Variants in RAD52 observed in about 807,000 individuals in gnomAD.
RAD52 encodes RAD52 DNA repair protein.
Under a neutral mutation model 55.5 loss-of-function variants are expected in RAD52, and 47 were observed. The observed-to-expected ratio is 0.85, with a 90% CI of 0.67 to 1.08. The LOEUF is 1.08. RAD52 is among the 50% of genes least tolerant of loss of function. RAD52 has a pLI of 0.00. For synonymous variants in RAD52, 184 were observed against 198.9 expected (o/e 0.92, Z 0.63); for missense variants, 468 against 522.8 (o/e 0.90, Z 1.02).
At chr12:950,604 G>C (rs1958504049), upstream of RAD52, among the ~76,000 whole-genome samples, 1 of 150,524 alleles carries the variant, frequency 6.6e-6, no homozygotes, top group South Asian at 2.1e-4. Flanking sequence ...GTAGCGACAG[G>C]GTCTTGCTAT....
chr12:923,715 C>T lies in RAD52; in HGVS notation c.543+1735G>A, dbSNP rs575093843. On this transcript the variant is annotated intron_variant, in intron 7 of 11. Transcript: ENST00000358495. ...CAATGGGAATACACTTAACACTACTCGACCACACACTAAAAATAGTTAAAA... is the reference window on the plus strand; with the variant it reads ...CAATGGGAATACACTTAACACTACTTGACCACACACTAAAAATAGTTAAAA... 1.7e-4 allele frequency among the ~76,000 whole-genome samples: 26 copies of T among 152,124 alleles called. No individual in the cohort carries two copies. The South Asian group carries it at 4.8e-3, about 28-fold the overall frequency.
chr12:930,170 A>G (rs779337234), intron 3 of RAD52, 26 bp from the exon 4 acceptor site: 3 of 1,550,348 alleles, frequency 1.9e-6, no homozygotes, highest in South Asian at 2.3e-5. Context: ...TTTTTAAGGA[A>G]AAGCTGTGTT....
At chr12:958,479 G>A (rs1435568516) in intron 1 of RAD52, among the ~76,000 whole-genome samples, 1 of 152,192 alleles carries the variant, frequency 6.6e-6, no homozygotes, top group African/African-American at 2.4e-5. Context: ...GCCTTCCATT[G>A]TGCTGGGATT....
At chr12:987,774 C>T (rs1959105206) in intron 1 of RAD52, among the ~76,000 whole-genome samples, 1 of 152,212 alleles carries the variant, frequency 6.6e-6, no homozygotes, top group Non-Finnish European at 1.5e-5. Flanking sequence ...GTTGCCCAGG[C>T]TGGTCTTAAA....
intron 1 of RAD52, among the ~76,000 whole-genome samples, chr12:988,119 C>T (rs992959281): frequency 1.3e-5 from 2 of 152,008 alleles, no homozygotes; most frequent in Non-Finnish European, 2.9e-5. Flanking sequence ...AACACAGGTG[C>T]GCATCACCAT....
At chr12:967,259 G>A (rs1202692634) in intron 1 of RAD52, among the ~76,000 whole-genome samples, 2 of 151,646 alleles carry the variant, frequency 1.3e-5, no homozygotes, top group Non-Finnish European at 2.9e-5. Flanking sequence ...CCTGCCTGTA[G>A]TCACAGCTAT....
rs1282197994 is a variant in RAD52 at position 927,156 on chromosome 12, C to T, written c.456G>A (p.Lys152=). 6.2e-7 allele frequency: 1 copy of T among 1,614,002 alleles called. No homozygotes were observed. Among genetic ancestry groups the T allele is most frequent in the South Asian group, 1.1e-5 (1 of 91,082 alleles). ...AGCCCCGCGCTCACCTGAGGGCTCGCTTCAGCCCGTCTGTCACCGCCTCCT... is the reference window on the plus strand; with the variant it reads ...AGCCCCGCGCTCACCTGAGGGCTCGTTTCAGCCCGTCTGTCACCGCCTCCT... ...ARKEAVTDGL[K]RALRSFGNAL... The change falls in exon 6 of 12, where the codon AAG becomes AAA. Residue 152 remains lysine (K), a synonymous_variant. Coordinates refer to ENST00000358495, the MANE Select transcript of RAD52 (RefSeq NM_134424.4).
intron 1 of RAD52, among the ~76,000 whole-genome samples, chr12:965,657 GT>G (rs891994451): frequency 6.6e-6 from 1 of 151,080 alleles, no homozygotes; most frequent in Admixed American, 6.6e-5. Flanking sequence ...TGTATTTGGG[GT>G]TTTTTTATTT....
At chr12:946,023 C>CAAA (rs367732899) in intron 1 of RAD52, among the ~76,000 whole-genome samples, 12 of 151,082 alleles carry the variant, frequency 7.9e-5, no homozygotes, top group African/African-American at 2.7e-4. Context: ...AACTCCGTCT[C>CAAA]AAAAAAAACA....
intron 1 of RAD52, chr12:937,031 A>G (rs1265294471): frequency 6.6e-6 from 1 of 152,200 alleles, no homozygotes; most frequent in African/African-American, 2.4e-5. Flanking sequence ...CCCACCTGGT[A>G]CCCACACATG....
In RAD52 at chr12:914,508, G is replaced by A. The variant is rs368534549; in HGVS notation, c.890C>T (p.Thr297Met). The A allele has an allele frequency of 4.1e-5, 66 of 1,613,684 alleles. No homozygotes were observed. Among genetic ancestry groups the A allele is most frequent in the East Asian group, 2.9e-4 (13 of 44,880 alleles). ...SEAAPPAPPV[T>M]HSTPVTVSEP... ...TGAGACAGTTACAGGAGTGCTGTGC[G>A]TCACAGGAGGGGCCGGAGGCGCTGC... The change falls in exon 10 of 12, where the codon ACG becomes ATG. Residue 297 changes from threonine to methionine, a missense_variant. By Grantham distance (81) the Thr-to-Met change is moderately conservative (BLOSUM62 -1). Transcript: ENST00000358495.
chr12:959,631 G>C (rs1958657106), intron 1 of RAD52, among the ~76,000 whole-genome samples: 1 of 152,216 alleles, frequency 6.6e-6, no homozygotes, highest in African/African-American at 2.4e-5. Context: ...AGTGGTTCAT[G>C]AATCAGGGGG....
chr12:919,319 G>A (rs1463069552), intron 7 of RAD52, among the ~76,000 whole-genome samples: 1 of 152,066 alleles, frequency 6.6e-6, no homozygotes, highest in Non-Finnish European at 1.5e-5. Flanking sequence ...GGTGGCGGGC[G>A]CCTGTAATCC....
rs1235193662 is a variant in RAD52 at position 970,793 on chromosome 12, G to A, written c.-19+19016C>T. 3.3e-5 allele frequency among the ~76,000 whole-genome samples: 5 copies of A among 152,208 alleles called. No homozygotes were observed. The East Asian group carries it at 5.8e-4, about 18-fold the overall frequency. ...AGTGAACCAACAACCGAGCTATTTT[G>A]GGTAGGGTATCACAGCAAAGGGAAT... On this transcript the variant is annotated intron_variant, in intron 1 of 11. Coordinates refer to the RAD52 transcript ENST00000430095.
At chr12:954,647 A>C (rs1958581066), upstream of RAD52, among the ~76,000 whole-genome samples, 1 of 152,276 alleles carries the variant, frequency 6.6e-6, no homozygotes, top group South Asian at 2.1e-4. Flanking sequence ...CCCCCCAAAA[A>C]ATGTAATAAC....
chr12:934,916 C>G (rs1957533286), intron 1 of RAD52, among the ~76,000 whole-genome samples: 1 of 152,060 alleles, frequency 6.6e-6, no homozygotes, highest in Non-Finnish European at 1.5e-5. Flanking sequence ...AGTTCGAGAT[C>G]AGCCTGACCA....
chr12:974,905 T>A (rs1958915758), intron 1 of RAD52: 1 of 152,210 alleles, frequency 6.6e-6, no homozygotes, highest in Non-Finnish European at 1.5e-5. Flanking sequence ...TACTCTGCTA[T>A]GCTGCCTTCC....
rs919660257 is a variant in RAD52 at position 930,134 on chromosome 12, A to G, written c.197T>C (p.Ile66Thr). Residue 66 changes from isoleucine to threonine, a missense_variant, in exon 4 of 12, where the codon ATT becomes ACT. Transcript: ENST00000358495. ...MAGGGQKVCY[I>T]EGHRVINLAN... ...CAGATTAATTACCCGATGACCCTCA[A>G]TGTAGCACACCTAGAAAAACAAATG... The G allele has an allele frequency of 6.2e-7, 1 of 1,612,408 alleles. No homozygotes were observed. The highest frequency in any genetic ancestry group is 1.3e-5 in the African/African-American group (1 of 75,028).
intron 1 of RAD52, among the ~76,000 whole-genome samples, chr12:956,554 T>G (rs1042297872): frequency 6.6e-6 from 1 of 152,216 alleles, no homozygotes; most frequent in Non-Finnish European, 1.5e-5. Context: ...CATTCTGTTT[T>G]GTTTTGTTTT....
Sources: gnomAD v4.1 joint callset for allele counts (sites outside exome capture counted in the v4.1 genomes callset) on GRCh38, gnomAD v4.1.1 for gene constraint, MANE v1.5 for transcripts, NCBI Gene and HGNC (gene_info 2026-07-23, HGNC 2026-07-21) for gene names.